The following ZNF507 variants were observed in gnomAD, a reference collection of about 807,000 sequenced individuals.
ZNF507 encodes zinc finger protein 507.
A neutral mutation model predicts 80.0 loss-of-function variants in ZNF507; 29 were observed. That is an observed-to-expected ratio of 0.36 (90% CI 0.27 to 0.49). The LOEUF (loss-of-function observed/expected upper bound fraction) is 0.49. Ranked by LOEUF, ZNF507 falls within the 20% of genes least tolerant of loss-of-function variation. ZNF507 has a pLI of 0.98. For missense variants in ZNF507, 1,081 were observed against 1,152.2 expected, an observed-to-expected ratio of 0.94 and a Z score of 0.90; for synonymous variants, 462 against 422.5, an observed-to-expected ratio of 1.09 and a Z score of -1.15.
rs565871292 is a variant in ZNF507 at position 32,383,260 on chromosome 19, C to T, written c.*177C>T. ...ATAAAAGGAATTCCAAATGGACAAG[C>T]AGTAATGATATTTAAATATTTTGAG... On this transcript the variant is annotated 3_prime_UTR_variant, in exon 7 of 7. Transcript: ENST00000355898. 1.3e-5 allele frequency: 10 copies of T among 767,184 alleles called. No homozygotes were observed. Among genetic ancestry groups the T allele is most frequent in the Middle Eastern group, 3.9e-4 (1 of 2,548 alleles). The allele number at this position is 767,184 out of a possible 1,614,324, so 47.5% of individuals were successfully genotyped here.
intron 4 of ZNF507, chr19:32,357,268 T>C (rs1967265765): frequency 6.6e-6 from 1 of 151,980 alleles, no homozygotes; most frequent in Non-Finnish European, 1.5e-5. Context: ...ACCGAGTTTC[T>C]GGTAATAAGA....
chr19:32,372,588 T>G (rs985876184), intron 5 of ZNF507, among the ~76,000 whole-genome samples: 1 of 149,076 alleles, frequency 6.7e-6, no homozygotes, highest in Non-Finnish European at 1.5e-5. Flanking sequence ...GCAGAGAAGG[T>G]CAAAAAAGGG....
intron 5 of ZNF507, 36 bp from the exon 6 acceptor site, chr19:32,382,431 A>T: frequency 1.9e-6 from 3 of 1,608,844 alleles, no homozygotes; most frequent in Non-Finnish European, 2.5e-6. Flanking sequence ...ATGTTATGGG[A>T]CCGTTCTGAT....
Position 32,354,810 on chromosome 19 carries a change from A to G in ZNF507, c.1980A>G (p.Leu660=). 2 of 1,614,230 alleles carry G rather than the reference A, an allele frequency of 1.2e-6. No individual in the cohort carries two copies. The highest frequency in any genetic ancestry group is 8.5e-7 in the Non-Finnish European group (1 of 1,180,040). ...SGNKGYIKQH[L]RVHRQRQPYQ... is the part of the protein sequence containing the mutation. ...ACAAGGGCTACATCAAGCAGCACTTACGAGTCCATCGACAGAGACAGCCTT... is the reference window on the plus strand; with the variant it reads ...ACAAGGGCTACATCAAGCAGCACTTGCGAGTCCATCGACAGAGACAGCCTT... The change falls in exon 3 of 7, where the codon TTA becomes TTG. Residue 660 remains leucine (L), a synonymous_variant. Transcript: ENST00000355898.
intron 1 of ZNF507, among the ~76,000 whole-genome samples, chr19:32,346,494 C>CT (rs1242736489): frequency 6.6e-6 from 1 of 152,208 alleles, no homozygotes; most frequent in Admixed American, 6.5e-5. Context: ...TTTATCACCT[C>CT]TTTGAGTTTG....
At chr19:32,364,926 C>T (rs1398585166) in intron 5 of ZNF507, among the ~76,000 whole-genome samples, 1 of 152,178 alleles carries the variant, frequency 6.6e-6, no homozygotes, top group Admixed American at 6.5e-5. Context: ...TTTGCATTCC[C>T]ACCAACCGTG....
At chr19:32,366,695 A>T (rs1967403862) in intron 5 of ZNF507, among the ~76,000 whole-genome samples, 1 of 152,236 alleles carries the variant, frequency 6.6e-6, no homozygotes, top group Admixed American at 6.5e-5. Flanking sequence ...TTGGGCACAT[A>T]TATGAAATGA....
chr19:32,367,255 C>T (rs1187943982), intron 5 of ZNF507, among the ~76,000 whole-genome samples: 2 of 152,196 alleles, frequency 1.3e-5, no homozygotes, highest in African/African-American at 4.8e-5. Flanking sequence ...TGAATGGCTA[C>T]ACCAAGCCAT....
chr19:32,369,612 C>CA (rs1215865066), intron 5 of ZNF507, among the ~76,000 whole-genome samples: 1 of 151,794 alleles, frequency 6.6e-6, no homozygotes, highest in Non-Finnish European at 1.5e-5. Flanking sequence ...GCCTCTGTTT[C>CA]AAAACATACT....
chr19:32,362,648 G>C (rs1365242071), intron 5 of ZNF507, among the ~76,000 whole-genome samples: 1 of 152,218 alleles, frequency 6.6e-6, no homozygotes, highest in Non-Finnish European at 1.5e-5. Context: ...TTTGATAGCT[G>C]TCAGTGTCTC....
chr19:32,371,029 T>C (rs1967463422), intron 5 of ZNF507, among the ~76,000 whole-genome samples: 1 of 152,196 alleles, frequency 6.6e-6, no homozygotes, highest in Admixed American at 6.5e-5. Flanking sequence ...CAAATATTCA[T>C]TGACTGTGTA....
Position 32,354,673 on chromosome 19 carries a change from G to A in ZNF507, c.1843G>A (p.Ala615Thr), listed in dbSNP as rs775293694. The change falls in exon 3 of 7, where the codon GCC becomes ACC. Residue 615 changes from alanine (A) to threonine (T), a missense_variant. By Grantham distance (58) the Ala-to-Thr change is moderately conservative (BLOSUM62 0). Around this residue, in one of 6 missense-constraint regions of ZNF507, gnomAD observed 614 missense variants for 583.9 expected, o/e 1.05. Coordinates refer to ENST00000355898, the MANE Select transcript of ZNF507 (RefSeq NM_001136156.2). ...DDILKELQDNAQCQPNSDTSL... is the reference protein window; with the variant it reads ...DDILKELQDNTQCQPNSDTSL... Reference sequence around the variant, plus strand: ...CATTTTGAAAGAGTTGCAGGACAACGCCCAGTGCCAACCCAACAGCGATAC... The same window carrying A: ...CATTTTGAAAGAGTTGCAGGACAACACCCAGTGCCAACCCAACAGCGATAC... 11 of 1,614,094 alleles carry A rather than the reference G, an allele frequency of 6.8e-6. No individual in the cohort carries two copies. The highest frequency in any genetic ancestry group is 2.2e-5 in the East Asian group (1 of 44,874).
rs774505328 is a variant in ZNF507 at position 32,383,098 on chromosome 19, C to G, written c.*15C>G. 6 of 1,603,042 alleles carry G rather than the reference C, an allele frequency of 3.7e-6. No individual in the cohort carries two copies. In the Admixed American group the frequency reaches 5.0e-5, roughly 13 times the overall value. On this transcript the variant is annotated 3_prime_UTR_variant, in exon 7 of 7. Transcript: ENST00000355898. ...ACACAAATTAGGTGGAATAATGACTCGAGCAGGAAAGCAGTAGAAGAGGAT... is the reference window on the plus strand; with the variant it reads ...ACACAAATTAGGTGGAATAATGACTGGAGCAGGAAAGCAGTAGAAGAGGAT...
In ZNF507 at chr19:32,386,794, G is replaced by A. The variant is rs1967695883; in HGVS notation, c.*3711G>A. 1 of 152,548 alleles carries A rather than the reference G, an allele frequency of 6.6e-6. No homozygotes were observed. The highest frequency in any genetic ancestry group is 2.4e-5 in the African/African-American group (1 of 41,426). The allele number at this position is 152,548 out of a possible 1,614,324, so 9.4% of individuals were successfully genotyped here. A position where few individuals can be genotyped will look rare whatever the true frequency, so the allele number is the denominator to read the frequency against. On this transcript the variant is annotated 3_prime_UTR_variant, in exon 7 of 7. Transcript: ENST00000355898. Reference sequence around the variant, plus strand: ...GAATAATTTATTTTGCTTTACAGGAGTTTGTCATGTATTGACTTTAATATT... The same window carrying A: ...GAATAATTTATTTTGCTTTACAGGAATTTGTCATGTATTGACTTTAATATT...
At chr19:32,358,659 TG>T (rs1371908141) in intron 4 of ZNF507, 3 of 152,224 alleles carry the variant, frequency 2.0e-5, no homozygotes, top group Non-Finnish European at 4.4e-5. Flanking sequence ...TGTTTTTTAT[TG>T]GAAACCTATA....
At chr19:32,348,558 T>C (rs1159743449) in intron 2 of ZNF507, among the ~76,000 whole-genome samples, 1 of 152,202 alleles carries the variant, frequency 6.6e-6, no homozygotes, top group African/African-American at 2.4e-5. Flanking sequence ...GGCTCCTAAC[T>C]TTTTGTGAGA....
In ZNF507 at chr19:32,387,380, G is replaced by A. The variant is rs1453731117; in HGVS notation, c.*4297G>A. On this transcript the variant is annotated 3_prime_UTR_variant, in exon 7 of 7. Coordinates refer to ENST00000355898, the MANE Select transcript of ZNF507 (RefSeq NM_001136156.2). ...GAATCCTGGGTCACCTCAGTTGAAAGTGACCAAGGCCAAATATTTCGTCCC... is the reference window on the plus strand; with the variant it reads ...GAATCCTGGGTCACCTCAGTTGAAAATGACCAAGGCCAAATATTTCGTCCC... The A allele has an allele frequency of 1.3e-5, 2 of 152,168 alleles. No individual in the cohort carries two copies. Among genetic ancestry groups the A allele is most frequent in the Non-Finnish European group, 2.9e-5 (2 of 68,042 alleles). The allele number at this position is 152,168 out of a possible 1,614,324, so 9.4% of individuals were successfully genotyped here.
intron 4 of ZNF507, chr19:32,357,820 A>C (rs916617473): frequency 1.3e-5 from 2 of 152,238 alleles, no homozygotes; most frequent in Non-Finnish European, 2.9e-5. Context: ...TGATTGGACC[A>C]TAAATCCCTA....
chr19:32,387,059 T>C lies in ZNF507; in HGVS notation c.*3976T>C, dbSNP rs942823980. 6.6e-6 allele frequency: 1 copy of C among 152,228 alleles called. No individual in the cohort carries two copies. Among genetic ancestry groups the C allele is most frequent in the African/African-American group, 2.4e-5 (1 of 41,460 alleles). 9.4% of individuals were successfully genotyped at this position (152,228 alleles called of 1,614,324 possible). ...CTGAATAAGCATTTAGCTTTTTAAA[T>C]CATTTTAAAAATTAAGTCTAATTTT... On this transcript the variant is annotated 3_prime_UTR_variant, in exon 7 of 7. Transcript: ENST00000355898.
Sources: gnomAD v4.1 joint callset for allele counts (sites outside exome capture counted in the v4.1 genomes callset) on GRCh38, gnomAD v4.1.1 for gene constraint, gnomAD v4.1.1 regional missense constraint, MANE v1.5 for transcripts, NCBI Gene and HGNC (gene_info 2026-07-23, HGNC 2026-07-21) for gene names.